AGFG2: variants seen among roughly 807,000 people sequenced by gnomAD.
AGFG2 encodes ArfGAP with FG repeats 2.
In AGFG2, 31 loss-of-function variants were observed where a neutral mutation model predicts 48.0. The observed-to-expected ratio is 0.65, with a 90% CI of 0.49 to 0.87. The LOEUF (loss-of-function observed/expected upper bound fraction) is 0.87, where lower values mean the gene tolerates loss of function less well. Ranked by LOEUF, AGFG2 falls within the 40% of genes least tolerant of loss-of-function variation. The pLI, the probability that AGFG2 is intolerant of heterozygous loss-of-function variation, is 0.00. For missense variants in AGFG2, 599 were observed against 632.6 expected, an observed-to-expected ratio of 0.95 and a Z score of 0.57; for synonymous variants, 229 against 260.8, an observed-to-expected ratio of 0.88 and a Z score of 1.18.
intron 3 of AGFG2, among the ~76,000 whole-genome samples, chr7:100,552,299 G>T (rs1439976520): frequency 6.6e-6 from 1 of 152,084 alleles, no homozygotes; most frequent in African/African-American, 2.4e-5. Context: ...ACTATTGCAT[G>T]GCATTTACAT....
chr7:100,553,284 C>T (rs1324716946), intron 3 of AGFG2, 63 bp from the exon 4 acceptor site: 1 of 1,585,242 alleles, frequency 6.3e-7, no homozygotes, highest in Non-Finnish European at 8.6e-7. Context: ...TCCCAAACAT[C>T]TCAGCTGAGC....
At chr7:100,551,943 T>TA (rs1183442832) in intron 3 of AGFG2, among the ~76,000 whole-genome samples, 1 of 40,366 alleles carries the variant, frequency 2.5e-5, no homozygotes, top group Non-Finnish European at 5.8e-5. Flanking sequence ...AATACAACAA[T>TA]AAAAAATAAT....
At chr7:100,548,955 C>T (rs967609475) in intron 2 of AGFG2, 40 bp downstream of exon 2, 12 of 1,529,870 alleles carry the variant, frequency 7.8e-6, no homozygotes, top group African/African-American at 2.7e-5. Flanking sequence ...GGTCACCTAT[C>T]TGCAGGTGGG....
At chr7:100,564,087 G>T (rs570846637) in intron 10 of AGFG2, 125 bp downstream of exon 10, 32 of 1,545,806 alleles carry the variant, frequency 2.1e-5, no homozygotes, top group Non-Finnish European at 2.6e-5. Context: ...GGGGACCAGG[G>T]AAGCACCAGA....
chr7:100,562,686 A>G lies in AGFG2; in HGVS notation c.1087+4A>G, dbSNP rs768063044. 8 of 1,605,520 alleles carry G rather than the reference A, an allele frequency of 5.0e-6. No homozygotes were observed. The African/African-American group carries it at 9.3e-5, about 19-fold the overall frequency. On this transcript the variant is annotated splice_donor_region_variant and intron_variant, in intron 8 of 11. Coordinates refer to ENST00000300176, the MANE Select transcript of AGFG2 (RefSeq NM_006076.5). This position sits in a 1 kb window ranked among gnomAD's most constrained non-coding sequence, Gnocchi z 5.4. The stretch of plus-strand genomic sequence containing the variant: ...AGCACAGGGCTGGCCTTTGGAGGTG[A>G]GTCCTGCCTGTGGAGACCCAGGGGA...
chr7:100,564,794 G>T, intron 11 of AGFG2, 138 bp from the exon 12 acceptor site: 1 of 956,996 alleles, frequency 1.0e-6, no homozygotes, highest in Non-Finnish European at 1.7e-6. Context: ...ATGAGCTACC[G>T]TGCCTGGCCT....
rs1801050217 is a variant in AGFG2 at position 100,567,927 on chromosome 7, G to GT, written c.*2937dup. 6.6e-6 allele frequency: 1 copy of GT among 152,492 alleles called. No homozygotes were observed. The highest frequency in any genetic ancestry group is 2.1e-4 in the South Asian group (1 of 4,834). The allele number at this position is 152,492 out of a possible 1,614,324, so 9.4% of individuals were successfully genotyped here. A position where few individuals can be genotyped will look rare whatever the true frequency, so the allele number is the denominator to read the frequency against. ...AAGGCAACTGATGTAGGCCAGTTGC[G>GT]TGACTCCAGGTTTGTCCTGGTACTC... On this transcript the variant is annotated 3_prime_UTR_variant, in exon 12 of 12. Transcript: ENST00000300176.
At position 100,543,926 on chromosome 7, in the gene AGFG2, C is replaced by T. The variant is rs1584379604; in HGVS notation, c.221+4359C>T. Among the ~76,000 whole-genome samples the T allele has an allele frequency of 3.9e-5, 6 of 152,158 alleles. No individual in the cohort carries two copies. In the East Asian group the frequency reaches 1.2e-3, roughly 29 times the overall value. On this transcript the variant is annotated intron_variant, in intron 1 of 11. Coordinates refer to ENST00000300176, the MANE Select transcript of AGFG2 (RefSeq NM_006076.5). ...CCTAGATGTGGATCTGTTTAATTTC[C>T]CCAACATACACATATGCTTGTTTGT...
In AGFG2 at chr7:100,551,061, TA is replaced by T. The variant is rs1562791874; in HGVS notation, c.431+551del. Among the ~76,000 whole-genome samples, 35 of 113,140 alleles carry T rather than the reference TA, an allele frequency of 3.1e-4. 3 individuals are homozygous for T. The highest frequency in any genetic ancestry group is 1.2e-3 in the African/African-American group (32 of 26,264). The allele number at this position is 113,140 out of a possible 152,430, so 74.2% of individuals were successfully genotyped here. A position where few individuals can be genotyped will look rare whatever the true frequency, so the allele number is the denominator to read the frequency against. ...ATATATATATATATATATATATATA[TA>T]TATATTTCTTTTTTTTTTTTTTTTT... On this transcript the variant is annotated intron_variant, in intron 3 of 11. Coordinates refer to ENST00000300176, the MANE Select transcript of AGFG2 (RefSeq NM_006076.5).
intron 6 of AGFG2, among the ~76,000 whole-genome samples, chr7:100,561,435 C>G (rs1800869596): frequency 6.6e-6 from 1 of 152,166 alleles, no homozygotes; most frequent in African/African-American, 2.4e-5. Context: ...TCAATAAAGC[C>G]TCTTTCCATC....
chr7:100,559,066 T>C (rs1418049702), intron 6 of AGFG2, among the ~76,000 whole-genome samples: 1 of 151,998 alleles, frequency 6.6e-6, no homozygotes, highest in African/African-American at 2.4e-5. Flanking sequence ...CCCGGGAGGC[T>C]GAGGTAGCAG....
chr7:100,553,353 C>T lies in AGFG2; in HGVS notation c.438C>T (p.Val146=), dbSNP rs200613398. 6 of 1,613,824 alleles carry T rather than the reference C, an allele frequency of 3.7e-6. No homozygotes were observed. Among genetic ancestry groups the T allele is most frequent in the Non-Finnish European group, 5.1e-6 (6 of 1,179,928 alleles). The change falls in exon 4 of 12, where the codon GTC becomes GTT. Residue 146 remains valine, a synonymous_variant. Transcript: ENST00000300176. ...QEKYEKKRWY[V]PPDQVKGPTY... The stretch of plus-strand genomic sequence containing the variant: ...TAACTATTCTTTCTCAAAGGTATGT[C>T]CCCCCAGACCAAGTCAAGGGGCCCA...
rs1800895915 is a variant in AGFG2 at position 100,562,416 on chromosome 7, G to C, written c.998+37G>C. 2 of 1,609,500 alleles carry C rather than the reference G, an allele frequency of 1.2e-6. No homozygotes were observed. The highest frequency in any genetic ancestry group is 8.5e-7 in the Non-Finnish European group (1 of 1,176,998). On this transcript the variant is annotated intron_variant, in intron 7 of 11. Coordinates refer to ENST00000300176, the MANE Select transcript of AGFG2 (RefSeq NM_006076.5). The surrounding 1 kb of genome is among the most constrained non-coding windows in gnomAD (Gnocchi z 5.4). ...CAGTGGGCAGTCTGCTGTAGGGCAGGAGAGCCGCCCGAAGCCTGGCCATGT... is the reference window on the plus strand; with the variant it reads ...CAGTGGGCAGTCTGCTGTAGGGCAGCAGAGCCGCCCGAAGCCTGGCCATGT...
rs1184818703 is a variant in AGFG2, at chr7:100,563,849, T to A, written c.1187T>A (p.Met396Lys). 1.9e-6 allele frequency: 3 copies of A among 1,611,360 alleles called. No homozygotes were observed. The highest frequency in any genetic ancestry group is 3.3e-5 in the Admixed American group (2 of 60,006). The change falls in exon 10 of 12, where the codon ATG (methionine) becomes AAG (lysine). Residue 396 changes from methionine (M) to lysine (K), a missense_variant. Transcript: ENST00000300176. ...NGLAPGPGFG[M>K]SSAGPGFPQA... Reference sequence around the variant, plus strand: ...CACTCCATAGGGCCCGGCTTTGGGATGAGCAGTGCTGGGCCTGGCTTCCCC... The same window carrying A: ...CACTCCATAGGGCCCGGCTTTGGGAAGAGCAGTGCTGGGCCTGGCTTCCCC...
chr7:100,562,416 G>T lies in AGFG2; in HGVS notation c.998+37G>T. 6.2e-7 allele frequency: 1 copy of T among 1,609,618 alleles called. No homozygotes were observed. Among genetic ancestry groups the T allele is most frequent in the South Asian group, 1.1e-5 (1 of 90,946 alleles). On this transcript the variant is annotated intron_variant, in intron 7 of 11. Coordinates refer to ENST00000300176, the MANE Select transcript of AGFG2 (RefSeq NM_006076.5). The surrounding 1 kb of genome is among the most constrained non-coding windows in gnomAD (Gnocchi z 5.4). ...CAGTGGGCAGTCTGCTGTAGGGCAG[G>T]AGAGCCGCCCGAAGCCTGGCCATGT...
intron 6 of AGFG2, among the ~76,000 whole-genome samples, chr7:100,559,402 C>A (rs1005072777): frequency 2.6e-5 from 4 of 152,130 alleles, no homozygotes; most frequent in African/African-American, 9.7e-5. Flanking sequence ...GGTGTCTCTT[C>A]TGACAAACCT....
chr7:100,544,310 G>C lies in AGFG2; in HGVS notation c.222-4512G>C, dbSNP rs556869722. The stretch of plus-strand genomic sequence containing the variant: ...CTGCCCAACTTTACTGTGATCACAG[G>C]AGTCAGAATTAAGGTGGGCAGAGCT... On this transcript the variant is annotated intron_variant, in intron 1 of 11. Transcript: ENST00000300176. Among the ~76,000 whole-genome samples, 7 of 152,248 alleles carry C rather than the reference G, an allele frequency of 4.6e-5. No homozygotes were observed. In the South Asian group the frequency reaches 1.2e-3, roughly 27 times the overall value.
At chr7:100,557,596 G>A (rs1314551122) in intron 6 of AGFG2, among the ~76,000 whole-genome samples, 4 of 152,008 alleles carry the variant, frequency 2.6e-5, no homozygotes, top group Admixed American at 6.6e-5. Context: ...CACCATGCCC[G>A]GCTAATTTTT....
chr7:100,562,155 G>A lies in AGFG2; in HGVS notation c.878-104G>A, dbSNP rs943855301. The A allele has an allele frequency of 6.8e-7, 1 of 1,477,366 alleles. No homozygotes were observed. The highest frequency in any genetic ancestry group is 9.2e-7 in the Non-Finnish European group (1 of 1,089,078). The allele number at this position is 1,477,366 out of a possible 1,614,324, so 91.5% of individuals were successfully genotyped here. On this transcript the variant is annotated intron_variant, in intron 6 of 11. Coordinates refer to ENST00000300176, the MANE Select transcript of AGFG2 (RefSeq NM_006076.5). This position sits in a 1 kb window ranked among gnomAD's most constrained non-coding sequence, Gnocchi z 5.4. ...AGAGAACCCAGCAGGCACCTGTCAT[G>A]CCATGACTCCAATCCATCACCACCA...
Sources: allele counts gnomAD v4.1 joint callset (sites outside exome capture counted in the v4.1 genomes callset), GRCh38; gene constraint gnomAD v4.1.1; non-coding constraint Gnocchi (gnomAD v3.1); transcripts MANE v1.5; gene names NCBI Gene and HGNC (gene_info 2026-07-23, HGNC 2026-07-21).